IQGAP1: variants seen among roughly 807,000 people sequenced by gnomAD.
IQGAP1 encodes IQ motif containing GTPase activating protein 1.
IQGAP1 carries 66 observed loss-of-function variants against 215.6 expected under a neutral mutation model. That is an observed-to-expected ratio of 0.31 (90% CI 0.25 to 0.38). The LOEUF is 0.38. Ranked by LOEUF, IQGAP1 falls within the 10% of genes least tolerant of loss-of-function variation. The pLI is 1.00. For missense variants in IQGAP1, 1,712 were observed against 1,997.1 expected (o/e 0.86, Z 2.72); for synonymous variants, 772 against 728.7 (o/e 1.06, Z -0.96).
chr15:90,388,454 G>A (rs1964583189), intron 1 of IQGAP1, 58 bp downstream of exon 1: 3 of 1,448,098 alleles, frequency 2.1e-6, no homozygotes, highest in African/African-American at 1.5e-5. Context: ...CAGACGAGGC[G>A]CGATTTTCCT....
chr15:90,456,597 G>C (rs2151025147), intron 15 of IQGAP1, among the ~76,000 whole-genome samples: 1 of 152,072 alleles, frequency 6.6e-6, no homozygotes, highest in South Asian at 2.1e-4. Context: ...CCAGGGCTGG[G>C]CGCAGTGGCT....
At chr15:90,467,332 A>G in intron 17 of IQGAP1, 118 bp from the exon 18 acceptor site, 1 of 958,466 alleles carries the variant, frequency 1.0e-6, no homozygotes, top group Non-Finnish European at 1.5e-6. Context: ...TCCAAGGAGC[A>G]GCTTTTGGAG....
intron 34 of IQGAP1, 133 bp from the exon 35 acceptor site, chr15:90,492,410 CAG>C (rs1966217634): frequency 6.7e-6 from 4 of 600,856 alleles, no homozygotes; most frequent in Non-Finnish European, 1.0e-5. Context: ...GCCTGGGCAA[CAG>C]AGTGTCTAAA....
intron 25 of IQGAP1, 40 bp downstream of exon 25, chr15:90,477,270 T>TG: frequency 6.5e-7 from 1 of 1,536,320 alleles, no homozygotes; most frequent in Non-Finnish European, 8.9e-7. Context: ...CCCTTCCCAC[T>TG]ATCAGAGGGG....
chr15:90,419,482 G>GTGAGATTAACC, intron 2 of IQGAP1, among the ~76,000 whole-genome samples: 1 of 152,154 alleles, frequency 6.6e-6, no homozygotes, highest in African/African-American at 2.4e-5. Flanking sequence ...ATTTGCTAAA[G>GTGAGATTAACC]CAGTTCTGGG....
At chr15:90,498,806 C>T (rs1966305313) in intron 37 of IQGAP1, among the ~76,000 whole-genome samples, 1 of 107,772 alleles carries the variant, frequency 9.3e-6, no homozygotes. Flanking sequence ...CACCATCACG[C>T]CCGGCTAATT....
intron 17 of IQGAP1, 44 bp from the exon 18 acceptor site, chr15:90,467,406 G>C: frequency 1.3e-6 from 2 of 1,583,134 alleles, no homozygotes; most frequent in Non-Finnish European, 1.7e-6. Flanking sequence ...CAGCTGGGGA[G>C]TGTGGCTCTG....
chr15:90,388,575 C>T (rs1367954759), intron 1 of IQGAP1, among the ~76,000 whole-genome samples, 179 bp downstream of exon 1: 2 of 152,048 alleles, frequency 1.3e-5, no homozygotes, highest in East Asian at 3.9e-4. Flanking sequence ...GTTCGCGCCC[C>T]CTCGGGGTCC....
Position 90,491,336 on chromosome 15 carries a change from G to A in IQGAP1, c.4252G>A (p.Ala1418Thr). 1 of 1,613,712 alleles carries A rather than the reference G, an allele frequency of 6.2e-7. No homozygotes were observed. The highest frequency in any genetic ancestry group is 8.5e-7 in the Non-Finnish European group (1 of 1,179,704). Residue 1418 changes from alanine to threonine, a missense_variant, in exon 34 of 38, where the codon GCA becomes ACA. Physicochemically the swap from Ala to Thr is moderately conservative, Grantham distance 58. Coordinates refer to ENST00000268182, the MANE Select transcript of IQGAP1 (RefSeq NM_003870.4). ...AACTTCTTTTTCCCATCCGTAGGAA[G>A]CAGAACATCAGAGAGCCATGCAGAG... ...LETPATSEQE[A>T]EHQRAMQRRA...
In IQGAP1 at chr15:90,392,890, A is replaced by G. The variant is rs74653297; in HGVS notation, c.155+2017A>G. 1.5e-4 allele frequency among the ~76,000 whole-genome samples: 23 copies of G among 151,456 alleles called. No individual in the cohort carries two copies. The East Asian group carries it at 4.3e-3, about 28-fold the overall frequency. ...CTCCTGAGTAGCTGGAATTACAGGCATCCGCCACTACGCCTGGCTAATTTT... is the reference window on the plus strand; with the variant it reads ...CTCCTGAGTAGCTGGAATTACAGGCGTCCGCCACTACGCCTGGCTAATTTT... On this transcript the variant is annotated intron_variant, in intron 2 of 37. Transcript: ENST00000268182.
chr15:90,401,137 T>A (rs973121970), intron 2 of IQGAP1, among the ~76,000 whole-genome samples: 2 of 152,188 alleles, frequency 1.3e-5, no homozygotes, highest in Non-Finnish European at 2.9e-5. Flanking sequence ...GGAGGGCCTG[T>A]GGCCTACCGG....
intron 1 of IQGAP1, among the ~76,000 whole-genome samples, chr15:90,390,502 T>G (rs1355182470): frequency 6.6e-6 from 1 of 152,254 alleles, no homozygotes; most frequent in Non-Finnish European, 1.5e-5. Context: ...GACAGATTTG[T>G]GCCAAAATCT....
At chr15:90,394,497 G>A (rs1316819138) in intron 2 of IQGAP1, among the ~76,000 whole-genome samples, 2 of 152,158 alleles carry the variant, frequency 1.3e-5, no homozygotes, top group Non-Finnish European at 2.9e-5. Context: ...TGTTGTGAGT[G>A]CACCAAGGAC....
Position 90,475,187 on chromosome 15 carries a change from T to C in IQGAP1, c.2784+494T>C, listed in dbSNP as rs183600259. ...GTAATTTTTGTATTTTTACTGGAGA[T>C]GGCGTTTCGCCATGTTGACCAGGCT... is the stretch of plus-strand genomic sequence containing the variant. On this transcript the variant is annotated intron_variant, in intron 23 of 37. Coordinates refer to ENST00000268182, the MANE Select transcript of IQGAP1 (RefSeq NM_003870.4). Among the ~76,000 whole-genome samples the C allele has an allele frequency of 5.5e-3, 831 of 152,134 alleles. 5 individuals carry two copies. Among genetic ancestry groups the C allele is most frequent in the African/African-American group, 0.019 (796 of 41,534 alleles).
intron 2 of IQGAP1, among the ~76,000 whole-genome samples, chr15:90,402,925 A>G (rs1964823634): frequency 6.6e-6 from 1 of 152,356 alleles, no homozygotes; most frequent in East Asian, 1.9e-4. Flanking sequence ...GACCTTTAAA[A>G]CAGCTAAAAG....
At chr15:90,404,206 T>C (rs1413067435) in intron 2 of IQGAP1, among the ~76,000 whole-genome samples, 1 of 152,238 alleles carries the variant, frequency 6.6e-6, no homozygotes, top group Non-Finnish European at 1.5e-5. Flanking sequence ...GCATATTTAG[T>C]TCTCAAAAAT....
chr15:90,424,798 C>T (rs1001314734), intron 2 of IQGAP1, among the ~76,000 whole-genome samples: 1 of 151,220 alleles, frequency 6.6e-6, no homozygotes, highest in Non-Finnish European at 1.5e-5. Flanking sequence ...GAGATTGTAC[C>T]ATTGCACTCC....
At chr15:90,498,313 GA>G (rs1966298808) in intron 37 of IQGAP1, among the ~76,000 whole-genome samples, 3 of 150,728 alleles carry the variant, frequency 2.0e-5, no homozygotes, top group Admixed American at 2.0e-4. Flanking sequence ...AAACAAATGT[GA>G]AATGATTTTG....
chr15:90,454,446 G>T lies in IQGAP1; in HGVS notation c.1506G>T (p.Met502Ile). 1 of 1,613,716 alleles carries T rather than the reference G, an allele frequency of 6.2e-7. No individual in the cohort carries two copies. Among genetic ancestry groups the T allele is most frequent in the Admixed American group, 1.7e-5 (1 of 59,948 alleles). The change falls in exon 14 of 38, where the codon ATG becomes ATT. Residue 502 changes from methionine to isoleucine, a missense_variant. Around this residue, in one of 2 missense-constraint regions of IQGAP1, gnomAD observed 1,021 missense variants for 1,074.2 expected, o/e 0.95. Transcript: ENST00000268182. ...GGGGCAGGTATCTCGATGAGTTGAT[G>T]AAACTGAAGGCTCAGGCACATGCAG... ...ENCQRYLDEL[M>I]KLKAQAHAEN...
Sources: allele counts gnomAD v4.1 joint callset (sites outside exome capture counted in the v4.1 genomes callset), GRCh38; gene constraint gnomAD v4.1.1; regional missense constraint gnomAD v4.1.1; transcripts MANE v1.5; gene names NCBI Gene and HGNC (gene_info 2026-07-23, HGNC 2026-07-21).